KIF25: variants seen among roughly 807,000 people sequenced by gnomAD.
KIF25 encodes the protein kinesin family member 25, also known as kinesin-like protein KIF25.
KIF25 carries 19 observed loss-of-function variants against 32.9 expected under a neutral mutation model. The ratio of observed to expected loss-of-function variants is 0.58; its 90% confidence interval spans 0.40 to 0.85. The LOEUF (loss-of-function observed/expected upper bound fraction) is 0.85. Ranked by LOEUF, KIF25 falls within the 40% of genes least tolerant of loss-of-function variation. The pLI is 0.00. For missense variants in KIF25, 485 were observed against 507.0 expected, an observed-to-expected ratio of 0.96 and a Z score of 0.42; for synonymous variants, 225 against 213.7, an observed-to-expected ratio of 1.05 and a Z score of -0.46.
chr6:168,043,335 G>A (rs967985638), intron 12 of KIF25, among the ~76,000 whole-genome samples: 1 of 152,190 alleles, frequency 6.6e-6, no homozygotes, highest in Non-Finnish European at 1.5e-5. Context: ...CCCAGAGGTG[G>A]CCCTGGGCCC....
chr6:168,042,448 T>A, intron 11 of KIF25, 113 bp from the exon 12 acceptor site: 1 of 1,331,586 alleles, frequency 7.5e-7, no homozygotes, highest in Non-Finnish European at 1.0e-6. Context: ...GCCTGTCCCG[T>A]CCATGGCCTC....
chr6:168,042,439 C>A (rs1799138487), intron 11 of KIF25, 122 bp from the exon 12 acceptor site: 11 of 1,243,652 alleles, frequency 8.8e-6, no homozygotes, highest in Admixed American at 6.3e-5. Context: ...CACTCTCATG[C>A]CTGTCCCGTC....
At chr6:168,038,834 C>T in intron 9 of KIF25, 105 bp downstream of exon 9, 1 of 1,092,730 alleles carries the variant, frequency 9.2e-7, no homozygotes, top group South Asian at 1.6e-5. Context: ...CTCCCCACGC[C>T]CAAGGATCCC....
intron 7 of KIF25, among the ~76,000 whole-genome samples, chr6:168,031,278 A>C (rs1229480419): frequency 6.6e-6 from 1 of 152,132 alleles, no homozygotes; most frequent in Non-Finnish European, 1.5e-5. Flanking sequence ...TGTCAAAGGC[A>C]GTGGGCTGTA....
intron 5 of KIF25, among the ~76,000 whole-genome samples, chr6:168,019,771 A>G (rs1465061298): frequency 6.6e-6 from 1 of 152,238 alleles, no homozygotes; most frequent in Non-Finnish European, 1.5e-5. Context: ...TTGGCTTCCA[A>G]GAAGCCAAAT....
intron 7 of KIF25, among the ~76,000 whole-genome samples, 194 bp from the exon 8 acceptor site, chr6:168,033,688 C>G (rs1156913702): frequency 6.6e-6 from 1 of 151,878 alleles, no homozygotes; most frequent in Non-Finnish European, 1.5e-5. Flanking sequence ...CAATGTCGTA[C>G]AACAAGATAG....
At chr6:168,022,774 T>G (rs368192984) in intron 5 of KIF25, among the ~76,000 whole-genome samples, 2,667 of 151,126 alleles carry the variant, frequency 0.018, 109 homozygotes, top group African/African-American at 0.062. Flanking sequence ...TGTTGTTTTT[T>G]TTTTTTTTTT....
At chr6:168,033,842 CA>C (rs1451133898) in intron 7 of KIF25, 39 bp from the exon 8 acceptor site, 1 of 1,584,570 alleles carries the variant, frequency 6.3e-7, no homozygotes. Flanking sequence ...TCTTGGCACC[CA>C]CGTGTGTTTT....
intron 4 of KIF25, among the ~76,000 whole-genome samples, chr6:168,005,930 C>T (rs115918325): frequency 0.018 from 2,742 of 152,304 alleles, 80 homozygotes; most frequent in African/African-American, 0.063. Context: ...AGTTGACGCT[C>T]GGTATTAACC....
At chr6:168,018,572 T>C (rs1462219984) in intron 5 of KIF25, among the ~76,000 whole-genome samples, 2 of 152,208 alleles carry the variant, frequency 1.3e-5, no homozygotes, top group African/African-American at 2.4e-5. Flanking sequence ...AGTTTGTTGA[T>C]AGTAATTTCG....
Position 168,018,587 on chromosome 6 carries a change from G to GA in KIF25, c.-95+548dup, listed in dbSNP as rs760387879. On this transcript the variant is annotated intron_variant, in intron 5 of 12. Transcript: ENST00000643607. The stretch of plus-strand genomic sequence containing the variant: ...AGTTTGTTGATAGTAATTTCGTTGT[G>GA]ATGATAGCAACTAACAATAGGGCTT... 3.8e-4 allele frequency among the ~76,000 whole-genome samples: 58 copies of GA among 152,302 alleles called. 1 individual carries two copies. In the Middle Eastern group the frequency reaches 0.01, roughly 27 times the overall value.
Position 168,044,810 on chromosome 6 carries a change from G to C in KIF25, c.986-17G>C. The stretch of plus-strand genomic sequence containing the variant: ...TGCTCTTCTTTCCAGCTTGCATGTT[G>C]TTTTTCTATTTTAAAGGAGGCGATG... On this transcript the variant is annotated splice_polypyrimidine_tract_variant and intron_variant, in intron 12 of 12. Transcript: ENST00000643607. The C allele has an allele frequency of 6.4e-7, 1 of 1,565,482 alleles. No homozygotes were observed. The highest frequency in any genetic ancestry group is 8.7e-7 in the Non-Finnish European group (1 of 1,151,898).
At chr6:168,044,461 G>T (rs1192899362) in intron 12 of KIF25, among the ~76,000 whole-genome samples, 2 of 145,640 alleles carry the variant, frequency 1.4e-5, no homozygotes, top group African/African-American at 2.6e-5. Flanking sequence ...CCGGGACCTG[G>T]GTGAGGGGTG....
chr6:168,010,993 G>T (rs545673833), intron 4 of KIF25, among the ~76,000 whole-genome samples: 1 of 150,868 alleles, frequency 6.6e-6, no homozygotes, highest in African/African-American at 2.4e-5. Context: ...CAGACTATAC[G>T]TCTCTTTACA....
At chr6:168,024,359 A>G (rs1798829141) in intron 5 of KIF25, among the ~76,000 whole-genome samples, 1 of 142,426 alleles carries the variant, frequency 7.0e-6, no homozygotes, top group African/African-American at 2.6e-5. Flanking sequence ...TTCTTCCACT[A>G]TTGATTTTGT....
At chr6:168,023,292 G>A (rs1335302635) in intron 5 of KIF25, among the ~76,000 whole-genome samples, 1 of 143,732 alleles carries the variant, frequency 7.0e-6, no homozygotes, top group Non-Finnish European at 1.5e-5. Context: ...TTTTTTTGAG[G>A]AGTCTTGTTC....
intron 12 of KIF25, 71 bp downstream of exon 12, chr6:168,042,787 C>T: frequency 1.3e-6 from 2 of 1,511,732 alleles, no homozygotes; most frequent in Non-Finnish European, 1.8e-6. Context: ...ACACTTCTGG[C>T]CTGCACGTCC....
chr6:168,007,411 C>G (rs1798593854), intron 4 of KIF25, among the ~76,000 whole-genome samples: 1 of 151,938 alleles, frequency 6.6e-6, no homozygotes, highest in Admixed American at 6.6e-5. Flanking sequence ...GACTCCATCT[C>G]AAAACAAAAA....
Position 168,044,922 on chromosome 6 carries a change from C to G in KIF25, c.1081C>G (p.Arg361Gly). Reference sequence around the variant, plus strand: ...GGGCCTGGGTTTCGGGATCCGAGCTCGGCAAGTCCAGCGAGGCCCTGCCCG... The same window carrying G: ...GGGCCTGGGTTTCGGGATCCGAGCTGGGCAAGTCCAGCGAGGCCCTGCCCG... ...LQGLGFGIRARQVQRGPARKK... is the reference protein window; with the variant it reads ...LQGLGFGIRAGQVQRGPARKK... Residue 361 changes from arginine (R) to glycine (G), a missense_variant, in exon 13 of 13, where the codon CGG (arginine) becomes GGG (glycine). This residue lies in a region of KIF25 where 480 missense variants were observed against 470.3 expected (regional missense o/e 1.02). Coordinates refer to ENST00000643607, the MANE Select transcript of KIF25 (RefSeq NM_030615.4). The G allele has an allele frequency of 6.2e-7, 1 of 1,613,074 alleles. No homozygotes were observed. Among genetic ancestry groups the G allele is most frequent in the Non-Finnish European group, 8.5e-7 (1 of 1,179,262 alleles).
Sources: gnomAD v4.1 joint callset for allele counts (sites outside exome capture counted in the v4.1 genomes callset) on GRCh38, gnomAD v4.1.1 for gene constraint, gnomAD v4.1.1 regional missense constraint, MANE v1.5 for transcripts, NCBI Gene and HGNC (gene_info 2026-07-23, HGNC 2026-07-21) for gene names.